SDCCAG8: variants seen among roughly 807,000 people sequenced by gnomAD.
SDCCAG8 encodes the protein SHH signaling and ciliogenesis regulator SDCCAG8, also known as serologically defined colon cancer antigen 8.
In SDCCAG8, 74 loss-of-function variants were observed where a neutral mutation model predicts 101.8. That is an observed-to-expected ratio of 0.73 (90% CI 0.60 to 0.88). The LOEUF (loss-of-function observed/expected upper bound fraction) is 0.88, where lower values mean the gene tolerates loss of function less well. Ranked by LOEUF, SDCCAG8 falls within the 40% of genes least tolerant of loss-of-function variation. The pLI, the probability that SDCCAG8 is intolerant of heterozygous loss-of-function variation, is 0.00. For missense variants in SDCCAG8, 787 were observed against 822.6 expected, an observed-to-expected ratio of 0.96 and a Z score of 0.53; for synonymous variants, 281 against 292.9, an observed-to-expected ratio of 0.96 and a Z score of 0.41.
rs115350522 is a variant in SDCCAG8, at chr1:243,403,690, G to A, written c.1617-12012G>A. On this transcript the variant is annotated intron_variant, in intron 13 of 17. Coordinates refer to ENST00000366541, the MANE Select transcript of SDCCAG8 (RefSeq NM_006642.5). The stretch of plus-strand genomic sequence containing the variant: ...ACCGTATTGTAAACTGCGCATGTGA[G>A]GGATCTAGGTTGTGCACTCCTTATG... Among the ~76,000 whole-genome samples the A allele has an allele frequency of 6.5e-3, 989 of 152,182 alleles. 12 individuals carry two copies. Among genetic ancestry groups the A allele is most frequent in the African/African-American group, 0.022 (910 of 41,514 alleles).
At chr1:243,279,866 C>T (rs968615374) in intron 4 of SDCCAG8, among the ~76,000 whole-genome samples, 2 of 152,058 alleles carry the variant, frequency 1.3e-5, no homozygotes, top group African/African-American at 4.8e-5. Context: ...TAATTTTCCA[C>T]TCTTGTAATG....
In SDCCAG8 at chr1:243,374,891, A is replaced by T. The variant is rs540201599; in HGVS notation, c.1474-3830A>T. 5.3e-5 allele frequency among the ~76,000 whole-genome samples: 8 copies of T among 152,266 alleles called. No homozygotes were observed. In the South Asian group the frequency reaches 1.7e-3, roughly 31 times the overall value. The stretch of plus-strand genomic sequence containing the variant: ...TATCTAATATGTTCATTTAAAAAAA[A>T]TTATTGATGATTGTTTAACAGATAT... On this transcript the variant is annotated intron_variant, in intron 12 of 17. Transcript: ENST00000366541.
chr1:243,339,149 A>G (rs536215866), intron 10 of SDCCAG8, among the ~76,000 whole-genome samples: 43 of 152,042 alleles, frequency 2.8e-4, no homozygotes, highest in African/African-American at 1.0e-3. Context: ...AGAGGAAGGG[A>G]ATGATGGGTG....
At chr1:243,441,625 G>C (rs1477278315) in intron 16 of SDCCAG8, among the ~76,000 whole-genome samples, 1 of 152,060 alleles carries the variant, frequency 6.6e-6, no homozygotes, top group Non-Finnish European at 1.5e-5. Context: ...AGGGAACAAA[G>C]AATTTTAATC....
intron 8 of SDCCAG8, among the ~76,000 whole-genome samples, chr1:243,308,830 T>G (rs930333316): frequency 9.2e-5 from 14 of 152,336 alleles, no homozygotes; most frequent in East Asian, 5.8e-4. Context: ...AAATTGAGAA[T>G]TATTATGTAA....
intron 10 of SDCCAG8, among the ~76,000 whole-genome samples, chr1:243,336,831 C>T (rs933076435): frequency 1.3e-5 from 2 of 152,050 alleles, no homozygotes; most frequent in African/African-American, 4.8e-5. Context: ...GTCTTTTGTT[C>T]ATTTTTTAAT....
chr1:243,286,741 TAAATTTTCCTTGAGGTCTG>T (rs2069658478), intron 5 of SDCCAG8, among the ~76,000 whole-genome samples: 1 of 152,228 alleles, frequency 6.6e-6, no homozygotes, highest in Non-Finnish European at 1.5e-5. Context: ...TGGATTTCTC[TAAATTTTCCTTGAGGTCTG>T]AAATCTAATA....
intron 16 of SDCCAG8, among the ~76,000 whole-genome samples, chr1:243,428,273 C>A (rs2148048696): frequency 6.6e-6 from 1 of 152,272 alleles, no homozygotes; most frequent in South Asian, 2.1e-4. Flanking sequence ...GTTCATTCAA[C>A]ATTGATTGAT....
intron 16 of SDCCAG8, among the ~76,000 whole-genome samples, chr1:243,442,841 G>A (rs2082636329): frequency 6.6e-6 from 1 of 152,196 alleles, no homozygotes; most frequent in Admixed American, 6.5e-5. Context: ...GTTTGGCTGT[G>A]TACCTCCAGC....
intron 16 of SDCCAG8, among the ~76,000 whole-genome samples, chr1:243,466,771 G>T (rs1468218199): frequency 2.0e-5 from 3 of 152,244 alleles, no homozygotes; most frequent in Non-Finnish European, 4.4e-5. Flanking sequence ...GACTAAGGAA[G>T]GTGCTCAAGT....
In SDCCAG8 at chr1:243,467,196, G is replaced by A. The variant is rs988995945; in HGVS notation, c.1986-21818G>A. ...TGATCAAAGATTGATGAATCTGGAA[G>A]CACTGGAGGGATAGCAAAGGCTTTC... On this transcript the variant is annotated intron_variant, in intron 16 of 17. Transcript: ENST00000366541. 1.3e-4 allele frequency among the ~76,000 whole-genome samples: 20 copies of A among 152,376 alleles called. No individual in the cohort carries two copies. The South Asian group carries it at 3.9e-3, about 30-fold the overall frequency.
intron 4 of SDCCAG8, among the ~76,000 whole-genome samples, chr1:243,275,471 G>A (rs748109128): frequency 2.0e-5 from 3 of 152,064 alleles, no homozygotes; most frequent in Non-Finnish European, 2.9e-5. Flanking sequence ...GGCTTTAGAT[G>A]TTTCACTGTC....
intron 16 of SDCCAG8, among the ~76,000 whole-genome samples, chr1:243,481,599 T>C (rs1401886022): frequency 3.9e-5 from 6 of 152,170 alleles, no homozygotes; most frequent in Admixed American, 3.9e-4. Flanking sequence ...GAAATCCATA[T>C]GTTGTTTGAA....
At position 243,293,468 on chromosome 1, in the gene SDCCAG8, C is replaced by A. The variant is rs979104288; in HGVS notation, c.675+249C>A. 4 of 615,634 alleles carry A rather than the reference C, an allele frequency of 6.5e-6. No individual in the cohort carries two copies. The highest frequency in any genetic ancestry group is 5.4e-5 in the African/African-American group (3 of 55,430). The allele number at this position is 615,634 out of a possible 1,614,324, so 38.1% of individuals were successfully genotyped here. On this transcript the variant is annotated intron_variant, in intron 6 of 17. Coordinates refer to ENST00000366541, the MANE Select transcript of SDCCAG8 (RefSeq NM_006642.5). ...ATATCTCCATTCCCCTCCCTGCCAA[C>A]CCCTGATGACCTCTCTTCAACTTTC...
At chr1:243,355,072 G>A (rs1252455388) in intron 12 of SDCCAG8, among the ~76,000 whole-genome samples, 2 of 152,180 alleles carry the variant, frequency 1.3e-5, no homozygotes, top group African/African-American at 4.8e-5. Flanking sequence ...GTTGCAAGGT[G>A]TTTAGAGTTT....
In SDCCAG8 at chr1:243,256,096, A is replaced by C; in HGVS notation, c.-78A>C. The C allele has an allele frequency of 1.6e-5, 22 of 1,375,586 alleles. No homozygotes were observed. Among genetic ancestry groups the C allele is most frequent in the Non-Finnish European group, 1.9e-5 (18 of 963,146 alleles). The allele number at this position is 1,375,586 out of a possible 1,614,324, so 85.2% of individuals were successfully genotyped here. A position where few individuals can be genotyped will look rare whatever the true frequency, so the allele number is the denominator to read the frequency against. The stretch of plus-strand genomic sequence containing the variant: ...GGAAGCAGGCGGGCGCTCCCCGGCC[A>C]CAGGCCTGTTGTTCTCGGAAGGGAG... On this transcript the variant is annotated 5_prime_UTR_variant, in exon 1 of 18. Transcript: ENST00000366541.
chr1:243,454,950 G>C (rs1000454319), intron 16 of SDCCAG8, among the ~76,000 whole-genome samples: 7 of 152,056 alleles, frequency 4.6e-5, no homozygotes, highest in Non-Finnish European at 1.0e-4. Flanking sequence ...TAAACTGCTT[G>C]ACAAAATGAA....
At position 243,378,856 on chromosome 1, in the gene SDCCAG8, C is replaced by G. The variant is rs765056637; in HGVS notation, c.1609C>G (p.Leu537Val). ...LLGESEHQLH[L>V]TRQEKDSIQQ... ...GGGCGAATCTGAGCACCAACTGCACCTCACCAGGTACTCCCTAATCCCATT... is the reference window on the plus strand; with the variant it reads ...GGGCGAATCTGAGCACCAACTGCACGTCACCAGGTACTCCCTAATCCCATT... Residue 537 changes from leucine (L) to valine (V), a missense_variant, in exon 13 of 18, where the codon CTC becomes GTC. By Grantham distance (32) the Leu-to-Val change is conservative. Coordinates refer to ENST00000366541, the MANE Select transcript of SDCCAG8 (RefSeq NM_006642.5). The G allele has an allele frequency of 1.2e-6, 2 of 1,614,030 alleles. No individual in the cohort carries two copies. The highest frequency in any genetic ancestry group is 2.2e-5 in the South Asian group (2 of 91,086).
intron 12 of SDCCAG8, among the ~76,000 whole-genome samples, chr1:243,357,654 G>T (rs1297006776): frequency 6.6e-6 from 1 of 152,140 alleles, no homozygotes; most frequent in Admixed American, 6.5e-5. Flanking sequence ...AAACAAATAC[G>T]CACAGGGGTG....
Sources: allele counts gnomAD v4.1 joint callset (sites outside exome capture counted in the v4.1 genomes callset), GRCh38; gene constraint gnomAD v4.1.1; transcripts MANE v1.5; gene names NCBI Gene and HGNC (gene_info 2026-07-23, HGNC 2026-07-21).